The following MPDZ variants were observed in gnomAD, a reference collection of about 807,000 sequenced individuals.
MPDZ encodes multiple PDZ domain protein.
In MPDZ, 234 loss-of-function variants were observed where a neutral mutation model predicts 239.1. The observed-to-expected ratio is 0.98, with a 90% CI of 0.88 to 1.09. The LOEUF (loss-of-function observed/expected upper bound fraction) is 1.09, where lower values mean the gene tolerates loss of function less well. Ranked by LOEUF, MPDZ falls within the 50% of genes least tolerant of loss-of-function variation. MPDZ has a pLI of 0.00. For synonymous variants in MPDZ, 1,048 were observed against 881.3 expected (o/e 1.19, Z -3.35); for missense variants, 3,175 against 2,510.0 (o/e 1.26, Z -5.66).
chr9:13,174,345 A>G (rs1380789272), intron 21 of MPDZ, among the ~76,000 whole-genome samples: 1 of 152,214 alleles, frequency 6.6e-6, no homozygotes, highest in Non-Finnish European at 1.5e-5. Flanking sequence ...CATAGTGGAT[A>G]TAGTATTAAA....
intron 38 of MPDZ, among the ~76,000 whole-genome samples, chr9:13,121,172 G>A (rs946505092): frequency 1.3e-5 from 2 of 152,102 alleles, no homozygotes; most frequent in Admixed American, 6.6e-5. Flanking sequence ...TTGATGGCAC[G>A]CTCTTATTCG....
chr9:13,229,516 T>TAAA (rs1166795034), intron 3 of MPDZ, among the ~76,000 whole-genome samples: 1 of 141,014 alleles, frequency 7.1e-6, no homozygotes, highest in Non-Finnish European at 1.6e-5. Context: ...CAAGATGATT[T>TAAA]AAAAAAAAAA....
At chr9:13,111,290 C>T (rs927764154) in intron 43 of MPDZ, among the ~76,000 whole-genome samples, 3 of 152,190 alleles carry the variant, frequency 2.0e-5, no homozygotes, top group African/African-American at 7.2e-5. Flanking sequence ...TCTGTCCTTC[C>T]AGAAGTTTAC....
At chr9:13,249,104 T>C (rs972817761) in intron 2 of MPDZ, among the ~76,000 whole-genome samples, 1 of 145,808 alleles carries the variant, frequency 6.9e-6, no homozygotes, top group Non-Finnish European at 1.5e-5. Flanking sequence ...GATCATGGGT[T>C]CACACACACA....
chr9:13,186,239 A>C, intron 18 of MPDZ, 31 bp downstream of exon 18: 2 of 1,326,316 alleles, frequency 1.5e-6, no homozygotes, highest in Non-Finnish European at 1.0e-6. Flanking sequence ...CAGGTTTCTG[A>C]AAGAAAGCTT....
At chr9:13,171,752 G>C (rs1487039925) in intron 21 of MPDZ, among the ~76,000 whole-genome samples, 1 of 152,120 alleles carries the variant, frequency 6.6e-6, no homozygotes, top group Non-Finnish European at 1.5e-5. Flanking sequence ...AATGGATTAT[G>C]ACAGCCTTTA....
At chr9:13,153,015 T>C (rs945935289) in intron 24 of MPDZ, among the ~76,000 whole-genome samples, 1 of 152,118 alleles carries the variant, frequency 6.6e-6, no homozygotes, top group Non-Finnish European at 1.5e-5. Context: ...ATCTGCTCCA[T>C]GCTGCACAAA....
At position 13,192,170 on chromosome 9, in the gene MPDZ, C is replaced by T; in HGVS notation, c.1929G>A (p.Leu643=). The change falls in exon 15 of 47, where the codon TTG becomes TTA. Residue 643 remains leucine, a synonymous_variant. Coordinates refer to ENST00000319217, the MANE Select transcript of MPDZ (RefSeq NM_001378778.1). The part of the protein sequence containing the change: ...RTVPPTTQSE[L]DSLDLCDIEL... Reference sequence around the variant, plus strand: ...CAATATCACATAAGTCCAGGCTATCCAATTCTGATTGGGTGGTGGGTGGCA... The same window carrying T: ...CAATATCACATAAGTCCAGGCTATCTAATTCTGATTGGGTGGTGGGTGGCA... 6.2e-7 allele frequency: 1 copy of T among 1,610,318 alleles called. No homozygotes were observed. Among genetic ancestry groups the T allele is most frequent in the East Asian group, 2.2e-5 (1 of 44,658 alleles).
chr9:13,110,012 G>A lies in MPDZ; in HGVS notation c.5882C>T (p.Ala1961Val). 6.2e-7 allele frequency: 1 copy of A among 1,613,340 alleles called. No individual in the cohort carries two copies. The highest frequency in any genetic ancestry group is 8.5e-7 in the Non-Finnish European group (1 of 1,179,722). ...CCCAGTGAAAGAAAGACTGGAACTTGCAGGCTCCTGCTGATGACCTGTGAC... is the reference window on the plus strand; with the variant it reads ...CCCAGTGAAAGAAAGACTGGAACTTACAGGCTCCTGCTGATGACCTGTGAC... ...SVVTGHQQEP[A>V]SSSLSFTGLT... is the part of the protein sequence containing the mutation. The change falls in exon 45 of 47, where the codon GCA (alanine) becomes GTA (valine). Residue 1961 changes from alanine (A) to valine (V), a missense_variant. Transcript: ENST00000319217.
intron 23 of MPDZ, among the ~76,000 whole-genome samples, chr9:13,158,702 C>G (rs963602304): frequency 6.6e-6 from 1 of 152,150 alleles, no homozygotes; most frequent in Non-Finnish European, 1.5e-5. Flanking sequence ...CAGTTTACAA[C>G]GCGTCTGTGT....
chr9:13,259,889 A>G (rs1242381248), intron 1 of MPDZ, among the ~76,000 whole-genome samples: 4 of 152,096 alleles, frequency 2.6e-5, no homozygotes. Flanking sequence ...GCTGGAGTAC[A>G]GTGGCACAAT....
rs544761102 is a variant in MPDZ at position 13,122,852 on chromosome 9, A to G, written c.4953+301T>C. Among the ~76,000 whole-genome samples, 17 of 152,276 alleles carry G rather than the reference A, an allele frequency of 1.1e-4. No homozygotes were observed. The South Asian group carries it at 3.3e-3, about 30-fold the overall frequency. On this transcript the variant is annotated intron_variant, in intron 36 of 46. Transcript: ENST00000319217. Reference sequence around the variant, plus strand: ...TTAAAATGGGTTTAACCCAACCTGGATATCAGCAAAAAGGAAATTAAAATG... The same window carrying G: ...TTAAAATGGGTTTAACCCAACCTGGGTATCAGCAAAAAGGAAATTAAAATG...
chr9:13,235,553 C>T (rs1013271945), intron 3 of MPDZ, among the ~76,000 whole-genome samples: 1 of 152,118 alleles, frequency 6.6e-6, no homozygotes, highest in Non-Finnish European at 1.5e-5. Context: ...TGTTCACAGC[C>T]ATGAATTCTC....
chr9:13,174,970 C>T (rs749242768), intron 21 of MPDZ, among the ~76,000 whole-genome samples: 7 of 152,086 alleles, frequency 4.6e-5, no homozygotes, highest in African/African-American at 7.2e-5. Flanking sequence ...TGCCATAAGA[C>T]GTCAGTGTAA....
At chr9:13,229,191 T>C (rs1333474070) in intron 3 of MPDZ, among the ~76,000 whole-genome samples, 1 of 152,106 alleles carries the variant, frequency 6.6e-6, no homozygotes, top group Non-Finnish European at 1.5e-5. Flanking sequence ...GTATAAAAGC[T>C]GTTAAAAACA....
intron 23 of MPDZ, among the ~76,000 whole-genome samples, chr9:13,158,489 T>C (rs1950095458): frequency 6.6e-6 from 1 of 152,164 alleles, no homozygotes; most frequent in African/African-American, 2.4e-5. Flanking sequence ...AGAAGCACCA[T>C]GTAGGTTTTA....
chr9:13,229,766 C>T (rs1961823464), intron 3 of MPDZ, among the ~76,000 whole-genome samples: 1 of 151,754 alleles, frequency 6.6e-6, no homozygotes, highest in South Asian at 2.1e-4. Flanking sequence ...ATTCCTTAAA[C>T]CAGTAAATAA....
At chr9:13,148,824 T>A (rs1230928353) in intron 25 of MPDZ, among the ~76,000 whole-genome samples, 1 of 152,014 alleles carries the variant, frequency 6.6e-6, no homozygotes. Context: ...TCCTACATAC[T>A]AGAAAAGCCC....
At chr9:13,279,374 T>G (rs1975141890) in intron 1 of MPDZ, 26 bp downstream of exon 1, 1 of 142,474 alleles carries the variant, frequency 7.0e-6, no homozygotes, top group Non-Finnish European at 1.5e-5. Flanking sequence ...CCTCGGCCTC[T>G]GGGCCGGGGC....
Sources: gnomAD v4.1 joint callset for allele counts (sites outside exome capture counted in the v4.1 genomes callset) on GRCh38, gnomAD v4.1.1 for gene constraint, MANE v1.5 for transcripts, NCBI Gene and HGNC (gene_info 2026-07-23, HGNC 2026-07-21) for gene names.